The following CRYBG1 variants were observed in gnomAD, a reference collection of about 807,000 sequenced individuals.
CRYBG1 encodes crystallin beta-gamma domain containing 1.
In CRYBG1, 139 loss-of-function variants were observed where a neutral mutation model predicts 189.2. That is an observed-to-expected ratio of 0.73 (90% CI 0.64 to 0.85). The LOEUF (loss-of-function observed/expected upper bound fraction) is 0.85, where lower values mean the gene tolerates loss of function less well. CRYBG1 is among the 40% of genes least tolerant of loss of function. The probability of loss-of-function intolerance (pLI) is 0.00; values close to 1 mark genes in which losing one functional copy is unlikely to be tolerated. For synonymous variants in CRYBG1, 1,023 were observed against 1,017.1 expected (o/e 1.01, Z -0.11); for missense variants, 2,611 against 2,675.8 (o/e 0.98, Z 0.53).
At position 106,560,936 on chromosome 6, in the gene CRYBG1, T is replaced by C; in HGVS notation, c.5979+10T>C. The C allele has an allele frequency of 6.3e-7, 1 of 1,596,842 alleles. No individual in the cohort carries two copies. On this transcript the variant is annotated intron_variant, in intron 19 of 21. Coordinates refer to ENST00000633556, the MANE Select transcript of CRYBG1 (RefSeq NM_001371242.2). ...ACGACCTTTTGTTCAGGTATTTTCT[T>C]CCTCTCCATGCTCTGCATAGACTCT...
intron 2 of CRYBG1, 97 bp downstream of exon 2, chr6:106,451,929 G>T: frequency 1.0e-6 from 1 of 955,752 alleles, no homozygotes; most frequent in Non-Finnish European, 1.4e-6. Context: ...ATACTTAAAA[G>T]TAATGGTATA....
chr6:106,478,295 C>T (rs1326298553), intron 2 of CRYBG1, among the ~76,000 whole-genome samples: 3 of 152,228 alleles, frequency 2.0e-5, no homozygotes, highest in Admixed American at 2.0e-4. Context: ...CTTATCTCTT[C>T]TTGTAAACCT....
At chr6:106,391,681 C>G (rs1412909005) in intron 1 of CRYBG1, among the ~76,000 whole-genome samples, 1 of 151,924 alleles carries the variant, frequency 6.6e-6, no homozygotes, top group Non-Finnish European at 1.5e-5. Flanking sequence ...TTGTCTAATG[C>G]TTTTTGGCCA....
intron 10 of CRYBG1, among the ~76,000 whole-genome samples, chr6:106,542,801 A>C (rs1562112070): frequency 6.9e-6 from 1 of 144,398 alleles, no homozygotes; most frequent in Non-Finnish European, 1.5e-5. Flanking sequence ...GGTGTGCATC[A>C]CTATGCCCAG....
chr6:106,370,870 T>A (rs1770011014), intron 1 of CRYBG1, among the ~76,000 whole-genome samples: 1 of 152,160 alleles, frequency 6.6e-6, no homozygotes, highest in South Asian at 2.1e-4. Flanking sequence ...CTTAGTTTCA[T>A]AAACTAACAA....
intron 13 of CRYBG1, among the ~76,000 whole-genome samples, chr6:106,548,878 T>A (rs976879670): frequency 6.7e-5 from 10 of 148,576 alleles, no homozygotes; most frequent in African/African-American, 1.5e-4. Context: ...TATCTCCTAA[T>A]GCTATCCCTC....
In CRYBG1 at chr6:106,543,616, T is replaced by C. The variant is rs1326006582; in HGVS notation, c.5039+19T>C. 2.5e-6 allele frequency: 4 copies of C among 1,593,870 alleles called. No individual in the cohort carries two copies. The highest frequency in any genetic ancestry group is 3.6e-5 in the Admixed American group (2 of 54,954). On this transcript the variant is annotated intron_variant, in intron 11 of 21. Coordinates refer to ENST00000633556, the MANE Select transcript of CRYBG1 (RefSeq NM_001371242.2). ...GAGGCATGTAAGTACATGGGTGACT[T>C]GTTAGGATTTCTTTTTTTTCCGAAA...
At chr6:106,505,100 CTTTTTTT>C (rs374942804) in intron 2 of CRYBG1, among the ~76,000 whole-genome samples, 2 of 141,046 alleles carry the variant, frequency 1.4e-5, no homozygotes, top group Non-Finnish European at 3.1e-5. Flanking sequence ...ACCTGGCTAA[CTTTTTTT>C]TTTTTTTTTG....
chr6:106,557,431 GTC>G (rs1385522233), intron 17 of CRYBG1, among the ~76,000 whole-genome samples: 1 of 149,088 alleles, frequency 6.7e-6, no homozygotes. Flanking sequence ...TTGAAATGGA[GTC>G]TCACTCAGTT....
At chr6:106,434,276 G>A (rs961279365) in intron 1 of CRYBG1, among the ~76,000 whole-genome samples, 1 of 152,148 alleles carries the variant, frequency 6.6e-6, no homozygotes, top group Non-Finnish European at 1.5e-5. Context: ...GTATAAGAGA[G>A]GACACGGGCG....
chr6:106,412,801 T>C (rs1770953997), intron 1 of CRYBG1, among the ~76,000 whole-genome samples: 2 of 152,288 alleles, frequency 1.3e-5, no homozygotes, highest in South Asian at 4.2e-4. Context: ...AGTGCTTTCT[T>C]GTGTGGCGGA....
chr6:106,571,967 C>T lies in CRYBG1; in HGVS notation c.*3401C>T, dbSNP rs757914701. On this transcript the variant is annotated 3_prime_UTR_variant, in exon 22 of 22. Coordinates refer to ENST00000633556, the MANE Select transcript of CRYBG1 (RefSeq NM_001371242.2). ...CTCACAGGCACTCACCAAATAAGAA[C>T]GTCAACAATCACTAAACTGCATTTT... 46 of 1,556,292 alleles carry T rather than the reference C, an allele frequency of 3.0e-5. No individual in the cohort carries two copies. The highest frequency in any genetic ancestry group is 3.5e-5 in the Non-Finnish European group (39 of 1,129,488).
At chr6:106,526,686 A>C (rs1773744349) in intron 6 of CRYBG1, among the ~76,000 whole-genome samples, 1 of 152,148 alleles carries the variant, frequency 6.6e-6, no homozygotes. Flanking sequence ...TCATGCCTGT[A>C]ATTCCAGCAC....
chr6:106,409,359 A>G (rs949805765), intron 1 of CRYBG1, among the ~76,000 whole-genome samples: 2 of 152,210 alleles, frequency 1.3e-5, no homozygotes. Context: ...ACCACTGCTC[A>G]AGGAAATAAG....
In CRYBG1 at chr6:106,563,940, CCTTT is replaced by C; in HGVS notation, c.6301+15_6301+18del. On this transcript the variant is annotated intron_variant, in intron 21 of 21. Transcript: ENST00000633556. ...TAGACATTAAAGGTAAGGGTCACTTCCTTTATTTTCTTTATTGTAATGTGTATGT... is the reference window on the plus strand; with the variant it reads ...TAGACATTAAAGGTAAGGGTCACTTCATTTTCTTTATTGTAATGTGTATGT... 1 of 1,593,924 alleles carries C rather than the reference CCTTT, an allele frequency of 6.3e-7. No homozygotes were observed. The highest frequency in any genetic ancestry group is 8.6e-7 in the Non-Finnish European group (1 of 1,162,884).
chr6:106,475,079 A>T (rs1008801378), intron 2 of CRYBG1, among the ~76,000 whole-genome samples: 1 of 152,234 alleles, frequency 6.6e-6, no homozygotes, highest in Admixed American at 6.5e-5. Context: ...ACCATGAATT[A>T]TAGGTGAAAG....
In CRYBG1 at chr6:106,519,187, G is replaced by C. The variant is rs763548774; in HGVS notation, c.1979G>C (p.Ser660Thr). 1 of 1,613,972 alleles carries C rather than the reference G, an allele frequency of 6.2e-7. No individual in the cohort carries two copies. The change falls in exon 4 of 22, where the codon AGT becomes ACT. Residue 660 changes from serine (S) to threonine (T), a missense_variant. This residue lies in a region of CRYBG1 where 985 missense variants were observed against 924.4 expected (regional missense o/e 1.07). Transcript: ENST00000633556. Reference sequence around the variant, plus strand: ...CTTAAAACCCCTAAGAATCTTGACAGTTTGGGAAATGAGCACAATCCATTT... The same window carrying C: ...CTTAAAACCCCTAAGAATCTTGACACTTTGGGAAATGAGCACAATCCATTT... ...LNLKTPKNLD[S>T]LGNEHNPFSQ...
chr6:106,460,261 GATTAC>G (rs1466563936), intron 2 of CRYBG1, among the ~76,000 whole-genome samples: 1 of 151,866 alleles, frequency 6.6e-6, no homozygotes, highest in Non-Finnish European at 1.5e-5. Flanking sequence ...AAAGTGCTGG[GATTAC>G]AGGCGTGAGC....
At position 106,360,963 on chromosome 6, in the gene CRYBG1, C is replaced by T. The variant is rs548573748; in HGVS notation, c.55C>T (p.Pro19Ser). ...CCCCGGGGAGCCCAGCCCGTGCAGG[C>T]CCCCTAAGAAGCACACCACCTTCCA... ...GDPGEPSPCR[P>S]PKKHTTFHLW... is the part of the protein sequence containing the mutation. Residue 19 changes from proline (P) to serine (S), a missense_variant, in exon 1 of 22, where the codon CCC (proline) becomes TCC (serine). By Grantham distance (74) the Pro-to-Ser change is moderately conservative (BLOSUM62 -1). Around this residue, in one of 3 missense-constraint regions of CRYBG1, gnomAD observed 985 missense variants for 924.4 expected, o/e 1.07. Coordinates refer to ENST00000633556, the MANE Select transcript of CRYBG1 (RefSeq NM_001371242.2). 4.1e-4 allele frequency: 628 copies of T among 1,535,222 alleles called. 9 individuals are homozygous for T. The South Asian group carries it at 7.2e-3, about 18-fold the overall frequency.
Sources: allele counts gnomAD v4.1 joint callset (sites outside exome capture counted in the v4.1 genomes callset), GRCh38; gene constraint gnomAD v4.1.1; regional missense constraint gnomAD v4.1.1; transcripts MANE v1.5; gene names NCBI Gene and HGNC (gene_info 2026-07-23, HGNC 2026-07-21).